UACA: variants seen among roughly 807,000 people sequenced by gnomAD.
UACA encodes uveal autoantigen with coiled-coil domains and ankyrin repeats.
Under a neutral mutation model 160.5 loss-of-function variants are expected in UACA, and 112 were observed. The observed-to-expected ratio is 0.70, with a 90% CI of 0.60 to 0.82. UACA has a LOEUF of 0.82. Ranked by LOEUF, UACA falls within the 40% of genes least tolerant of loss-of-function variation. UACA has a pLI of 0.00. For synonymous variants in UACA, 557 were observed against 568.4 expected (o/e 0.98, Z 0.29); for missense variants, 1,574 against 1,614.6 (o/e 0.97, Z 0.43).
chr15:70,712,541 G>GTAGC (rs914411417), intron 1 of UACA, among the ~76,000 whole-genome samples: 2 of 152,094 alleles, frequency 1.3e-5, no homozygotes, highest in African/African-American at 4.8e-5. Context: ...AATCCTTTCA[G>GTAGC]TAGCTTTCTA....
At chr15:70,729,678 T>C (rs1403438801) in intron 1 of UACA, among the ~76,000 whole-genome samples, 2 of 142,098 alleles carry the variant, frequency 1.4e-5, no homozygotes, top group Non-Finnish European at 3.0e-5. Flanking sequence ...GATGGCCGAA[T>C]AGGAACAGCT....
At chr15:70,701,390 C>T (rs1422552056) in intron 1 of UACA, among the ~76,000 whole-genome samples, 4 of 152,176 alleles carry the variant, frequency 2.6e-5, no homozygotes, top group African/African-American at 9.6e-5. Flanking sequence ...TTTTCAAATG[C>T]CTAAAGGATT....
Position 70,667,710 on chromosome 15 carries a change from C to T in UACA, c.2974G>A (p.Glu992Lys). The T allele has an allele frequency of 6.2e-7, 1 of 1,613,972 alleles. No homozygotes were observed. Among genetic ancestry groups the T allele is most frequent in the Non-Finnish European group, 8.5e-7 (1 of 1,179,970 alleles). The change falls in exon 16 of 19, where the codon GAG becomes AAG. Residue 992 changes from glutamate (E) to lysine (K), a missense_variant. Coordinates refer to ENST00000322954, the MANE Select transcript of UACA (RefSeq NM_018003.4). Reference sequence around the variant, plus strand: ...GCTTTAAATTTTCTCTCGCACTCCTCAAAGCTGACAATTGGGGCGTATTTT... The same window carrying T: ...GCTTTAAATTTTCTCTCGCACTCCTTAAAGCTGACAATTGGGGCGTATTTT... The part of the protein sequence containing the change: ...KVKYAPIVSF[E>K]ECERKFKATE...
chr15:70,744,248 C>CAAAAAAAAAAA (rs5813608), intron 1 of UACA, among the ~76,000 whole-genome samples: 1 of 64,730 alleles, frequency 1.5e-5, no homozygotes. Context: ...GACTCTGTCT[C>CAAAAAAAAAAA]AAAAAAAAAA....
chr15:70,763,609 C>CGG (rs1595932273), upstream of UACA: 3 of 1,140,552 alleles, frequency 2.6e-6, no homozygotes, highest in East Asian at 9.6e-5. Context: ...GCTGCCCTGG[C>CGG]GGGGGCGTGG....
chr15:70,660,970 T>C (rs1439695134), intron 17 of UACA: 1 of 152,232 alleles, frequency 6.6e-6, no homozygotes, highest in East Asian at 1.9e-4. Context: ...ATAGGGTTCA[T>C]TCAGCAGGTC....
chr15:70,738,710 G>C (rs1238121398), intron 1 of UACA, among the ~76,000 whole-genome samples: 1 of 152,078 alleles, frequency 6.6e-6, no homozygotes, highest in African/African-American at 2.4e-5. Flanking sequence ...TTTATTAGAG[G>C]AAAAAGCAGA....
intron 1 of UACA, among the ~76,000 whole-genome samples, chr15:70,724,251 G>C (rs987750229): frequency 1.3e-5 from 2 of 152,114 alleles, no homozygotes; most frequent in South Asian, 4.1e-4. Context: ...TCACATAAAA[G>C]ATGGTCATGG....
At chr15:70,776,148 A>G in the UACA span, among the ~76,000 whole-genome samples, 1 of 152,204 alleles carries the variant, frequency 6.6e-6, no homozygotes, top group Admixed American at 6.5e-5. Flanking sequence ...AAAACTAATC[A>G]ATGCTGCCTA....
At chr15:70,673,646 C>A (rs981524268) in intron 13 of UACA, among the ~76,000 whole-genome samples, 1 of 152,058 alleles carries the variant, frequency 6.6e-6, no homozygotes, top group African/African-American at 2.4e-5. Flanking sequence ...CAAATGAAAA[C>A]AAATATAAAA....
intron 1 of UACA, among the ~76,000 whole-genome samples, chr15:70,743,312 G>A (rs1377626151): frequency 6.6e-6 from 1 of 152,172 alleles, no homozygotes; most frequent in African/African-American, 2.4e-5. Flanking sequence ...AAAGTCAAAT[G>A]ATTAGTAACT....
chr15:70,681,127 T>C (rs1897487413), intron 9 of UACA, among the ~76,000 whole-genome samples: 1 of 152,174 alleles, frequency 6.6e-6, no homozygotes, highest in African/African-American at 2.4e-5. Flanking sequence ...TAATTCTGTT[T>C]TGTTTTTCTT....
At chr15:70,692,387 G>A (rs1412613602) in intron 3 of UACA, among the ~76,000 whole-genome samples, 1 of 152,080 alleles carries the variant, frequency 6.6e-6, no homozygotes. Flanking sequence ...GGTCTTGAAC[G>A]CCTGGCCTCA....
intron 1 of UACA, chr15:70,702,305 T>G: frequency 1.0e-6 from 1 of 1,002,752 alleles, no homozygotes; most frequent in Non-Finnish European, 1.2e-6. Flanking sequence ...CTGCAGTGCA[T>G]GATAAAACTG....
intron 1 of UACA, among the ~76,000 whole-genome samples, chr15:70,708,657 G>C (rs1898590513): frequency 6.6e-6 from 1 of 152,058 alleles, no homozygotes; most frequent in African/African-American, 2.4e-5. Flanking sequence ...TTTTAGTAGA[G>C]ACAGGATTTT....
At chr15:70,660,669 T>C (rs1896674481) in intron 17 of UACA, 1 of 153,522 alleles carries the variant, frequency 6.5e-6, no homozygotes, top group African/African-American at 2.4e-5. Flanking sequence ...ATTCATCAGT[T>C]TGGTTCTCAA....
At chr15:70,761,475 T>C (rs183462193) in intron 1 of UACA, among the ~76,000 whole-genome samples, 26 of 152,342 alleles carry the variant, frequency 1.7e-4, no homozygotes, top group Admixed American at 1.6e-3. Flanking sequence ...TTATGGTTTA[T>C]AGATTGAAAA....
At chr15:70,741,932 T>C (rs1899550561) in intron 1 of UACA, among the ~76,000 whole-genome samples, 1 of 152,120 alleles carries the variant, frequency 6.6e-6, no homozygotes, top group Non-Finnish European at 1.5e-5. Context: ...TAATTTGTTC[T>C]AGGATACACA....
chr15:70,708,464 CTTTT>C (rs1190953678), intron 1 of UACA, among the ~76,000 whole-genome samples: 3 of 143,100 alleles, frequency 2.1e-5, no homozygotes, highest in Admixed American at 7.0e-5. Context: ...ACAATACTAT[CTTTT>C]TTTTTTTTTT....
Sources: allele counts gnomAD v4.1 joint callset (sites outside exome capture counted in the v4.1 genomes callset), GRCh38; gene constraint gnomAD v4.1.1; transcripts MANE v1.5; gene names NCBI Gene and HGNC (gene_info 2026-07-23, HGNC 2026-07-21).